GRIP1: variants seen among roughly 807,000 people sequenced by gnomAD.
GRIP1 encodes the protein glutamate receptor-interacting protein 1.
GRIP1 carries 45 observed loss-of-function variants against 129.9 expected under a neutral mutation model. That is an observed-to-expected ratio of 0.35 (90% CI 0.27 to 0.44). GRIP1 has a LOEUF of 0.44. Among genes scored for constraint, GRIP1 ranks in the 20% least tolerant of loss-of-function variants. The pLI is 1.00. For synonymous variants in GRIP1, 530 were observed against 520.8 expected (o/e 1.02, Z -0.24); for missense variants, 1,196 against 1,396.8 (o/e 0.86, Z 2.29).
At chr12:66,909,520 G>T (rs529695665) in intron 1 of GRIP1, among the ~76,000 whole-genome samples, 2 of 152,186 alleles carry the variant, frequency 1.3e-5, no homozygotes, top group Non-Finnish European at 2.9e-5. Flanking sequence ...ATCAGCTCAC[G>T]TGGTCAGTTT....
At chr12:66,852,640 C>T (rs12301508) in intron 1 of GRIP1, among the ~76,000 whole-genome samples, 23,442 of 150,884 alleles carry the variant, frequency 0.16, 1,990 homozygotes, top group East Asian at 0.37. Flanking sequence ...ATCTGGATTT[C>T]TTCAAATCAG....
At chr12:67,029,798 T>C (rs570945719) in intron 1 of GRIP1, among the ~76,000 whole-genome samples, 7 of 152,074 alleles carry the variant, frequency 4.6e-5, no homozygotes, top group African/African-American at 1.7e-4. Context: ...CTAGCAATGG[T>C]GTTTCTATTT....
At chr12:66,909,097 G>A (rs1467045862) in intron 1 of GRIP1, among the ~76,000 whole-genome samples, 8 of 151,836 alleles carry the variant, frequency 5.3e-5, no homozygotes, top group African/African-American at 1.9e-4. Flanking sequence ...ATTTTTTCTT[G>A]CTAATTCACT....
At chr12:66,937,370 A>G (rs1397254272) in intron 1 of GRIP1, among the ~76,000 whole-genome samples, 1 of 152,242 alleles carries the variant, frequency 6.6e-6, no homozygotes, top group African/African-American at 2.4e-5. Context: ...CGTAAGCTCC[A>G]TGAGAGCAAG....
At chr12:66,683,542 C>T (rs1351856520), upstream of GRIP1, among the ~76,000 whole-genome samples, 1 of 152,106 alleles carries the variant, frequency 6.6e-6, no homozygotes, top group East Asian at 1.9e-4. Flanking sequence ...TAATGATGCC[C>T]TTTAGGAAGT....
intron 1 of GRIP1, among the ~76,000 whole-genome samples, chr12:66,966,676 T>C (rs1301086965): frequency 6.6e-6 from 1 of 152,196 alleles, no homozygotes; most frequent in African/African-American, 2.4e-5. Flanking sequence ...CTTTGTAAAA[T>C]GCCATCAATT....
intron 15 of GRIP1, among the ~76,000 whole-genome samples, chr12:66,409,214 A>T (rs2057301705): frequency 6.6e-6 from 1 of 152,136 alleles, no homozygotes; most frequent in Admixed American, 6.5e-5. Flanking sequence ...TGGCAGCCAT[A>T]GTTGAGACCT....
intron 1 of GRIP1, among the ~76,000 whole-genome samples, chr12:66,760,075 C>T (rs769839227): frequency 5.9e-5 from 9 of 152,036 alleles, no homozygotes; most frequent in East Asian, 1.9e-4. Context: ...AGGATGGTCT[C>T]GATCTCCTGA....
chr12:66,363,197 G>C (rs868311867), intron 23 of GRIP1, among the ~76,000 whole-genome samples: 909 of 29,744 alleles, frequency 0.031, 61 homozygotes, highest in East Asian at 0.16. Flanking sequence ...GTGTGTGTGT[G>C]TCCATATATA....
intron 1 of GRIP1, among the ~76,000 whole-genome samples, chr12:66,718,794 C>A (rs945867625): frequency 7.2e-5 from 11 of 152,008 alleles, no homozygotes; most frequent in Admixed American, 1.3e-4. Flanking sequence ...GGAGGTTCCA[C>A]TGAGTCAAGA....
chr12:66,567,269 T>C (rs1242883226), intron 2 of GRIP1, among the ~76,000 whole-genome samples: 11 of 152,224 alleles, frequency 7.2e-5, no homozygotes, highest in Admixed American at 5.9e-4. Flanking sequence ...TTTAACGCTA[T>C]AAATTTCCCT....
intron 1 of GRIP1, among the ~76,000 whole-genome samples, chr12:66,766,042 C>T (rs2037625996): frequency 6.6e-6 from 1 of 152,208 alleles, no homozygotes; most frequent in Non-Finnish European, 1.5e-5. Context: ...CCAGGACTCA[C>T]TACACTGTGG....
At chr12:66,483,533 T>G (rs2059865344) in intron 7 of GRIP1, among the ~76,000 whole-genome samples, 1 of 152,198 alleles carries the variant, frequency 6.6e-6, no homozygotes, top group South Asian at 2.1e-4. Flanking sequence ...TGAGTTTGGA[T>G]AAAGCATGTT....
chr12:66,989,245 C>G (rs1009816325), intron 1 of GRIP1, among the ~76,000 whole-genome samples: 2 of 152,224 alleles, frequency 1.3e-5, no homozygotes, highest in African/African-American at 4.8e-5. Flanking sequence ...CTTGCTGCAG[C>G]TTCACAATTA....
intron 7 of GRIP1, among the ~76,000 whole-genome samples, chr12:66,480,170 T>C (rs7135061): frequency 0.68 from 103,281 of 152,028 alleles, 35,821 homozygotes; most frequent in Middle Eastern, 0.79. Context: ...TTAGAAAACC[T>C]CATCATGTCA....
intron 1 of GRIP1, among the ~76,000 whole-genome samples, chr12:66,627,461 C>G (rs778168219): frequency 1.3e-5 from 2 of 152,196 alleles, no homozygotes; most frequent in Non-Finnish European, 2.9e-5. Flanking sequence ...ATATGTCTGA[C>G]AAGTGTCAAA....
chr12:66,469,836 G>A (rs2059388115), intron 7 of GRIP1, among the ~76,000 whole-genome samples: 1 of 151,980 alleles, frequency 6.6e-6, no homozygotes, highest in African/African-American at 2.4e-5. Flanking sequence ...AACAATTTTT[G>A]GATATCTCCT....
At chr12:66,987,090 G>A (rs987343570) in intron 1 of GRIP1, among the ~76,000 whole-genome samples, 1 of 152,038 alleles carries the variant, frequency 6.6e-6, no homozygotes, top group Non-Finnish European at 1.5e-5. Flanking sequence ...AAATACATGG[G>A]AATAGAGCTG....
chr12:66,847,343 C>T (rs1201358970), intron 1 of GRIP1, among the ~76,000 whole-genome samples: 2 of 152,080 alleles, frequency 1.3e-5, no homozygotes, highest in African/African-American at 4.8e-5. Context: ...CACAGCTGCA[C>T]CTTGCTTCCT....
Sources: gnomAD v4.1 joint callset for allele counts (sites outside exome capture counted in the v4.1 genomes callset) on GRCh38, gnomAD v4.1.1 for gene constraint, MANE v1.5 for transcripts, NCBI Gene and HGNC (gene_info 2026-07-23, HGNC 2026-07-21) for gene names.